WWOX: variants seen among roughly 807,000 people sequenced by gnomAD.
WWOX encodes WW domain containing oxidoreductase.
Under a neutral mutation model 46.2 loss-of-function variants are expected in WWOX, and 69 were observed. The observed-to-expected ratio is 1.49, with a 90% CI of 1.23 to 1.82. The LOEUF (loss-of-function observed/expected upper bound fraction) is 1.82, where lower values mean the gene tolerates loss of function less well. Ranked by LOEUF, WWOX falls within the 40% of genes most tolerant of loss-of-function variation. The pLI, the probability that WWOX is intolerant of heterozygous loss-of-function variation, is 0.00. For missense variants in WWOX, 919 were observed against 542.6 expected (o/e 1.69, Z -6.89); for synonymous variants, 359 against 202.6 (o/e 1.77, Z -6.56).
chr16:78,373,127 A>G (rs1046731442), intron 5 of WWOX, among the ~76,000 whole-genome samples: 2 of 152,140 alleles, frequency 1.3e-5, no homozygotes, highest in Non-Finnish European at 2.9e-5. Context: ...TTCTTGTAAT[A>G]TCTTTGTAAA....
In WWOX at chr16:78,997,797, G is replaced by GA. The variant is rs1350375003; in HGVS notation, c.1057-213809dup. ...TCAACCAAGTATGGGATGGGGACCG[G>GA]AATAGATTTTCTCTGCAGATTTCAC... On this transcript the variant is annotated intron_variant, in intron 8 of 8. Coordinates refer to ENST00000566780, the MANE Select transcript of WWOX (RefSeq NM_016373.4). 2.0e-5 allele frequency among the ~76,000 whole-genome samples: 3 copies of GA among 152,170 alleles called. No individual in the cohort carries two copies. In the East Asian group the frequency reaches 5.8e-4, roughly 29 times the overall value.
At chr16:78,893,619 A>G (rs1163559149) in intron 8 of WWOX, among the ~76,000 whole-genome samples, 1 of 152,116 alleles carries the variant, frequency 6.6e-6, no homozygotes, top group Admixed American at 6.5e-5. Context: ...TGCAGCCAAT[A>G]TTTCATGTAT....
chr16:78,526,681 G>T (rs560142357), intron 8 of WWOX: 55 of 152,534 alleles, frequency 3.6e-4, no homozygotes, highest in Admixed American at 1.1e-3. Flanking sequence ...TGCCAGCCCA[G>T]GACGTGTCAA....
chr16:78,321,375 T>TATATACGTAG (rs1220155828), intron 5 of WWOX, among the ~76,000 whole-genome samples: 2 of 102,288 alleles, frequency 2.0e-5, no homozygotes, highest in Non-Finnish European at 3.7e-5. Context: ...TATATACGTA[T>TATATACGTAG]ATATGCGTAT....
At chr16:78,875,262 C>T (rs1024453894) in intron 8 of WWOX, among the ~76,000 whole-genome samples, 1 of 152,120 alleles carries the variant, frequency 6.6e-6, no homozygotes, top group East Asian at 1.9e-4. Context: ...TTCTACCACT[C>T]CCAGTAAATC....
At chr16:78,837,351 C>A (rs1442795756) in intron 8 of WWOX, among the ~76,000 whole-genome samples, 1 of 152,170 alleles carries the variant, frequency 6.6e-6, no homozygotes, top group Non-Finnish European at 1.5e-5. Context: ...CTAACCCTCA[C>A]CCAGCAACTT....
intron 8 of WWOX, among the ~76,000 whole-genome samples, chr16:78,607,524 C>G (rs182049985): frequency 6.6e-6 from 1 of 152,190 alleles, no homozygotes; most frequent in Admixed American, 6.5e-5. Flanking sequence ...CAAAGTCTTA[C>G]ACCTGAAACC....
intron 5 of WWOX, among the ~76,000 whole-genome samples, chr16:78,314,715 T>TTTG (rs2080326367): frequency 7.0e-6 from 1 of 142,900 alleles, no homozygotes; most frequent in South Asian, 2.3e-4. Flanking sequence ...TTTTTTTTTT[T>TTTG]TTTTTTCTGT....
At chr16:78,861,561 G>A (rs1321406216) in intron 8 of WWOX, among the ~76,000 whole-genome samples, 1 of 152,086 alleles carries the variant, frequency 6.6e-6, no homozygotes, top group African/African-American at 2.4e-5. Flanking sequence ...TAGACATTTT[G>A]AGTAACTAAA....
intron 6 of WWOX, among the ~76,000 whole-genome samples, chr16:78,412,811 G>T (rs532170940): frequency 6.6e-6 from 1 of 152,194 alleles, no homozygotes; most frequent in Non-Finnish European, 1.5e-5. Flanking sequence ...TTTGGGTCAG[G>T]GAAGGAGACT....
At chr16:78,809,023 A>G (rs2051117546) in intron 8 of WWOX, among the ~76,000 whole-genome samples, 1 of 152,164 alleles carries the variant, frequency 6.6e-6, no homozygotes, top group Non-Finnish European at 1.5e-5. Context: ...ATGGCCTCAC[A>G]GGTTGCAGGC....
At chr16:78,105,886 C>G (rs1169628650) in intron 1 of WWOX, among the ~76,000 whole-genome samples, 1 of 152,182 alleles carries the variant, frequency 6.6e-6, no homozygotes, top group Non-Finnish European at 1.5e-5. Context: ...ACTGCAACCT[C>G]CACCTCCCAG....
At chr16:78,680,656 C>G (rs2047707962) in intron 8 of WWOX, among the ~76,000 whole-genome samples, 1 of 152,198 alleles carries the variant, frequency 6.6e-6, no homozygotes, top group African/African-American at 2.4e-5. Flanking sequence ...CTCTCACTCA[C>G]ACATTACAAG....
chr16:78,108,518 T>C (rs755553251), intron 2 of WWOX, 31 bp downstream of exon 2: 1 of 1,611,858 alleles, frequency 6.2e-7, no homozygotes, highest in East Asian at 2.2e-5. Flanking sequence ...GGATCTTGGA[T>C]GGAAGCATTA....
intron 8 of WWOX, among the ~76,000 whole-genome samples, chr16:78,527,220 A>G (rs1037743292): frequency 1.3e-5 from 2 of 151,994 alleles, no homozygotes; most frequent in Non-Finnish European, 2.9e-5. Context: ...CCTAAGGACG[A>G]CTTTGAATCA....
intron 8 of WWOX, among the ~76,000 whole-genome samples, chr16:79,210,676 G>C (rs1447892930): frequency 6.6e-6 from 1 of 152,066 alleles, no homozygotes; most frequent in African/African-American, 2.4e-5. Context: ...GAGACGTGCC[G>C]ACCATGTCTC....
chr16:79,211,045 GT>G (rs1379782890), intron 8 of WWOX, among the ~76,000 whole-genome samples: 6 of 151,826 alleles, frequency 4.0e-5, no homozygotes, highest in African/African-American at 1.5e-4. Flanking sequence ...GTGTGTGTGT[GT>G]GTGTGTGTGT....
At chr16:78,491,322 T>TG (rs1246251106) in intron 8 of WWOX, among the ~76,000 whole-genome samples, 1 of 152,192 alleles carries the variant, frequency 6.6e-6, no homozygotes, top group South Asian at 2.1e-4. Context: ...AGACGCCCCT[T>TG]GGGGAAAGGA....
At chr16:78,929,766 G>T (rs1342194611) in intron 8 of WWOX, among the ~76,000 whole-genome samples, 2 of 152,130 alleles carry the variant, frequency 1.3e-5, no homozygotes, top group Admixed American at 6.5e-5. Context: ...CAGAGGGTCA[G>T]TCCAAGGTGA....
Sources: gnomAD v4.1 joint callset for allele counts (sites outside exome capture counted in the v4.1 genomes callset) on GRCh38, gnomAD v4.1.1 for gene constraint, MANE v1.5 for transcripts, NCBI Gene and HGNC (gene_info 2026-07-23, HGNC 2026-07-21) for gene names.